Variants in CTNNA3 observed in about 807,000 individuals in gnomAD.
CTNNA3 encodes catenin alpha 3, also known as catenin alpha-3.
CTNNA3 carries 76 observed loss-of-function variants against 95.7 expected under a neutral mutation model. That is an observed-to-expected ratio of 0.79 (90% CI 0.66 to 0.96). CTNNA3 has a LOEUF of 0.96. Among genes scored for constraint, CTNNA3 ranks in the 40% least tolerant of loss-of-function variants. The pLI, the probability that CTNNA3 is intolerant of heterozygous loss-of-function variation, is 0.00. For missense variants in CTNNA3, 1,191 were observed against 1,089.8 expected, an observed-to-expected ratio of 1.09 and a Z score of -1.31; for synonymous variants, 431 against 374.4, an observed-to-expected ratio of 1.15 and a Z score of -1.74.
At chr10:66,668,638 C>T (rs2132464943) in intron 9 of CTNNA3, among the ~76,000 whole-genome samples, 1 of 151,960 alleles carries the variant, frequency 6.6e-6, no homozygotes, top group African/African-American at 2.4e-5. Context: ...CATGGCAAAA[C>T]CCGTCTCTAC....
chr10:66,748,901 G>A (rs1001040884), intron 9 of CTNNA3, among the ~76,000 whole-genome samples: 5 of 151,782 alleles, frequency 3.3e-5, no homozygotes, highest in Admixed American at 1.3e-4. Flanking sequence ...GGTTGGGCAC[G>A]GTGGCTCACA....
intron 5 of CTNNA3, among the ~76,000 whole-genome samples, chr10:67,316,016 A>T (rs987013462): frequency 3.3e-5 from 5 of 152,116 alleles, no homozygotes; most frequent in East Asian, 1.9e-4. Context: ...AAACTCTTAG[A>T]CTGAGTTTAT....
chr10:66,809,278 GTCT>G (rs1841782458), intron 7 of CTNNA3, among the ~76,000 whole-genome samples: 1 of 152,074 alleles, frequency 6.6e-6, no homozygotes, highest in Non-Finnish European at 1.5e-5. Flanking sequence ...ATGATATTAA[GTCT>G]TCTTATCTAG....
chr10:66,653,807 T>A (rs904897005), intron 9 of CTNNA3, among the ~76,000 whole-genome samples: 1 of 152,020 alleles, frequency 6.6e-6, no homozygotes, highest in Middle Eastern at 3.2e-3. Context: ...CATGTATATA[T>A]GATCAACTAA....
At chr10:66,204,574 C>T (rs1270783042) in intron 13 of CTNNA3, among the ~76,000 whole-genome samples, 2 of 152,260 alleles carry the variant, frequency 1.3e-5, no homozygotes, top group African/African-American at 2.4e-5. Flanking sequence ...CGTGTATCTC[C>T]TCATAGGAAT....
intron 12 of CTNNA3, among the ~76,000 whole-genome samples, chr10:66,304,168 A>C (rs1030344886): frequency 6.6e-6 from 1 of 152,194 alleles, no homozygotes; most frequent in African/African-American, 2.4e-5. Context: ...CTCATAGGGA[A>C]TCAAGGAATG....
intron 7 of CTNNA3, among the ~76,000 whole-genome samples, chr10:67,092,530 T>C (rs1018316735): frequency 6.6e-5 from 10 of 151,994 alleles, no homozygotes; most frequent in Non-Finnish European, 1.0e-4. Context: ...TTCATATGAA[T>C]GTTCATATAT....
intron 5 of CTNNA3, among the ~76,000 whole-genome samples, chr10:67,432,682 C>T (rs1362801053): frequency 6.6e-6 from 1 of 152,004 alleles, no homozygotes; most frequent in Non-Finnish European, 1.5e-5. Flanking sequence ...TAACCTCATC[C>T]TCATGAGATC....
intron 12 of CTNNA3, among the ~76,000 whole-genome samples, chr10:66,302,708 C>T (rs189447181): frequency 6.6e-6 from 1 of 152,004 alleles, no homozygotes; most frequent in Non-Finnish European, 1.5e-5. Flanking sequence ...ACTTTACTAT[C>T]TGTACTATCA....
chr10:67,302,163 CACAGAA>C (rs1840350796), intron 5 of CTNNA3, among the ~76,000 whole-genome samples: 1 of 151,738 alleles, frequency 6.6e-6, no homozygotes, highest in Non-Finnish European at 1.5e-5. Context: ...TAAGCCAGGG[CACAGAA>C]AGACAAATAC....
At chr10:67,441,686 T>C (rs1846524891) in intron 5 of CTNNA3, among the ~76,000 whole-genome samples, 1 of 152,114 alleles carries the variant, frequency 6.6e-6, no homozygotes, top group Non-Finnish European at 1.5e-5. Context: ...GAAAAAACTT[T>C]TATTCTAGAA....
intron 3 of CTNNA3, among the ~76,000 whole-genome samples, chr10:67,570,369 C>G (rs1345871069): frequency 2.6e-5 from 4 of 151,946 alleles, no homozygotes; most frequent in African/African-American, 9.7e-5. Context: ...ATTACAGTTG[C>G]TATATTGACA....
At chr10:66,443,391 AC>A (rs1289111134) in intron 11 of CTNNA3, among the ~76,000 whole-genome samples, 1 of 152,148 alleles carries the variant, frequency 6.6e-6, no homozygotes, top group Non-Finnish European at 1.5e-5. Flanking sequence ...GAGCAGCCTA[AC>A]TGGGAGGCGC....
At chr10:66,956,846 C>A (rs1342739480) in intron 7 of CTNNA3, among the ~76,000 whole-genome samples, 1 of 152,188 alleles carries the variant, frequency 6.6e-6, no homozygotes, top group Non-Finnish European at 1.5e-5. Flanking sequence ...TTAATCCTAA[C>A]CCTTAGGAGA....
intron 12 of CTNNA3, among the ~76,000 whole-genome samples, chr10:66,313,469 A>G (rs996420924): frequency 5.9e-5 from 9 of 152,298 alleles, no homozygotes; most frequent in African/African-American, 1.9e-4. Context: ...GAGATAAAAC[A>G]CTGTGTTCCC....
chr10:66,281,798 A>G (rs1329885655), intron 12 of CTNNA3, among the ~76,000 whole-genome samples: 1 of 151,728 alleles, frequency 6.6e-6, no homozygotes, highest in African/African-American at 2.4e-5. Flanking sequence ...GATGATATAC[A>G]TGGGCACTCT....
At chr10:67,369,125 T>A (rs1043452608) in intron 5 of CTNNA3, among the ~76,000 whole-genome samples, 4 of 152,150 alleles carry the variant, frequency 2.6e-5, no homozygotes, top group African/African-American at 7.2e-5. Flanking sequence ...GCATTACATA[T>A]ATTAAACCTC....
intron 13 of CTNNA3, among the ~76,000 whole-genome samples, chr10:66,201,727 T>C (rs959439404): frequency 3.3e-5 from 5 of 151,734 alleles, no homozygotes; most frequent in Non-Finnish European, 7.4e-5. Flanking sequence ...CACACAGTTA[T>C]AACAACTCTT....
At chr10:67,452,101 A>AG (rs954145372) in intron 5 of CTNNA3, among the ~76,000 whole-genome samples, 9 of 149,396 alleles carry the variant, frequency 6.0e-5, no homozygotes. Flanking sequence ...GAAGGAAGGA[A>AG]GGAGTAGGGA....
Sources: gnomAD v4.1 joint callset for allele counts (sites outside exome capture counted in the v4.1 genomes callset) on GRCh38, gnomAD v4.1.1 for gene constraint, MANE v1.5 for transcripts, NCBI Gene and HGNC (gene_info 2026-07-23, HGNC 2026-07-21) for gene names.